The following CDH13 variants were observed in gnomAD, a reference collection of about 807,000 sequenced individuals.
CDH13 encodes cadherin-13.
Under a neutral mutation model 63.8 loss-of-function variants are expected in CDH13, and 24 were observed. The observed-to-expected ratio is 0.38, with a 90% CI of 0.27 to 0.53. The LOEUF (loss-of-function observed/expected upper bound fraction) is 0.53, where lower values mean the gene tolerates loss of function less well. Ranked by LOEUF, CDH13 falls within the 20% of genes least tolerant of loss-of-function variation. The pLI, the probability that CDH13 is intolerant of heterozygous loss-of-function variation, is 0.85. For synonymous variants in CDH13, 503 were observed against 355.3 expected (o/e 1.42, Z -4.67); for missense variants, 1,049 against 903.1 (o/e 1.16, Z -2.07).
intron 6 of CDH13, among the ~76,000 whole-genome samples, chr16:83,365,033 A>G (rs1258709409): frequency 1.3e-5 from 2 of 152,222 alleles, no homozygotes; most frequent in Non-Finnish European, 2.9e-5. Flanking sequence ...TACCTATGTA[A>G]TAAACCTACA....
chr16:83,680,615 G>T (rs1269023786), intron 10 of CDH13, among the ~76,000 whole-genome samples: 1 of 152,186 alleles, frequency 6.6e-6, no homozygotes, highest in Non-Finnish European at 1.5e-5. Flanking sequence ...CGCTGTGTGA[G>T]AGAAGAAGGA....
At position 83,039,673 on chromosome 16, in the gene CDH13, C is replaced by T. The variant is rs145015301; in HGVS notation, c.366+7455C>T. On this transcript the variant is annotated intron_variant, in intron 3 of 13. Transcript: ENST00000567109. ...TCAGCACCCTGCCCAGTGCCTGGCG[C>T]AGAGTATTCAGTGGATGCCTTTTGA... is the stretch of plus-strand genomic sequence containing the variant. 1.6e-4 allele frequency among the ~76,000 whole-genome samples: 25 copies of T among 152,264 alleles called. 1 individual carries two copies. The highest frequency in any genetic ancestry group is 5.1e-4 in the African/African-American group (21 of 41,540).
intron 2 of CDH13, among the ~76,000 whole-genome samples, chr16:82,940,295 G>A (rs891887710): frequency 2.0e-5 from 3 of 152,124 alleles, no homozygotes; most frequent in Admixed American, 6.5e-5. Context: ...TTCCCTTGCA[G>A]AATCTCAGTT....
At chr16:83,599,566 T>A (rs1907587014) in intron 7 of CDH13, among the ~76,000 whole-genome samples, 1 of 152,186 alleles carries the variant, frequency 6.6e-6, no homozygotes, top group Non-Finnish European at 1.5e-5. Context: ...AATAAAGATG[T>A]TAATTGCACT....
At chr16:82,859,837 A>G (rs1433594977) in intron 2 of CDH13, 1 of 152,192 alleles carries the variant, frequency 6.6e-6, no homozygotes, top group Non-Finnish European at 1.5e-5. Context: ...GTTGAGCATC[A>G]AGGGAGCTGT....
At chr16:82,885,498 T>C (rs1026735265) in intron 2 of CDH13, among the ~76,000 whole-genome samples, 23 of 126,704 alleles carry the variant, frequency 1.8e-4, no homozygotes, top group Admixed American at 1.3e-3. Flanking sequence ...CATCCATCCA[T>C]CCACCCATCC....
intron 5 of CDH13, among the ~76,000 whole-genome samples, chr16:83,309,257 G>A (rs1334872276): frequency 6.6e-6 from 1 of 152,194 alleles, no homozygotes; most frequent in African/African-American, 2.4e-5. Context: ...AATTGAATTT[G>A]GGAGTACTGG....
chr16:83,317,375 C>G (rs1242188078), intron 5 of CDH13, among the ~76,000 whole-genome samples: 58 of 152,148 alleles, frequency 3.8e-4, no homozygotes, highest in Non-Finnish European at 1.5e-5. Flanking sequence ...CAGCAAGCTC[C>G]AAGGTCAAAG....
chr16:82,715,932 CT>C (rs1567459479), intron 1 of CDH13, among the ~76,000 whole-genome samples: 1 of 152,192 alleles, frequency 6.6e-6, no homozygotes, highest in East Asian at 1.9e-4. Context: ...TACCAGATGC[CT>C]TTTATGAGCT....
At chr16:83,664,580 A>T (rs143286914) in intron 8 of CDH13, among the ~76,000 whole-genome samples, 1 of 151,286 alleles carries the variant, frequency 6.6e-6, no homozygotes, top group African/African-American at 2.4e-5. Context: ...AGTGCACACA[A>T]ACATGATGTG....
At chr16:82,639,610 G>T in intron 1 of CDH13, 1 of 619,660 alleles carries the variant, frequency 1.6e-6, no homozygotes, top group Middle Eastern at 2.6e-4. Flanking sequence ...GAAATATACA[G>T]TCTGTAGCTA....
intron 6 of CDH13, among the ~76,000 whole-genome samples, chr16:83,363,180 C>G (rs78827402): frequency 5.9e-5 from 9 of 152,308 alleles, no homozygotes; most frequent in African/African-American, 1.9e-4. Flanking sequence ...GCAATCAGCA[C>G]AGCTTAAACA....
chr16:83,369,930 G>A (rs975332025), intron 6 of CDH13, among the ~76,000 whole-genome samples: 4 of 152,158 alleles, frequency 2.6e-5, no homozygotes, highest in African/African-American at 9.7e-5. Context: ...GCTTCATGTT[G>A]ACCTTGTCCC....
intron 2 of CDH13, among the ~76,000 whole-genome samples, chr16:82,882,438 C>G (rs1016952374): frequency 6.6e-6 from 1 of 152,196 alleles, no homozygotes; most frequent in Non-Finnish European, 1.5e-5. Context: ...GCATTGCAAA[C>G]CCGTACACAT....
chr16:83,265,681 T>C (rs1597620952), intron 5 of CDH13, among the ~76,000 whole-genome samples: 1 of 151,522 alleles, frequency 6.6e-6, no homozygotes, highest in East Asian at 1.9e-4. Flanking sequence ...TTACAGGTGT[T>C]TGGGTTTTAA....
At position 83,110,770 on chromosome 16, in the gene CDH13, CAAAA is replaced by C. The variant is rs1018964770; in HGVS notation, c.367-14610_367-14607del. Among the ~76,000 whole-genome samples, 6 of 150,978 alleles carry C rather than the reference CAAAA, an allele frequency of 4.0e-5. No homozygotes were observed. The South Asian group carries it at 1.3e-3, about 32-fold the overall frequency. On this transcript the variant is annotated intron_variant, in intron 3 of 13. Transcript: ENST00000567109. Reference sequence around the variant, plus strand: ...GGGCTTCTTTCTGAAATTTTTGAAACAAAAAAAACCAAGGTGTGACAGTTACAAG... The same window carrying C: ...GGGCTTCTTTCTGAAATTTTTGAAACAAAACCAAGGTGTGACAGTTACAAG...
At chr16:82,811,689 G>A (rs2037453173) in intron 1 of CDH13, among the ~76,000 whole-genome samples, 1 of 152,124 alleles carries the variant, frequency 6.6e-6, no homozygotes, top group Non-Finnish European at 1.5e-5. Context: ...CAAATGAGTT[G>A]CCATGGTGTC....
intron 11 of CDH13, among the ~76,000 whole-genome samples, chr16:83,757,894 G>A (rs968598111): frequency 1.1e-4 from 16 of 152,046 alleles, no homozygotes; most frequent in South Asian, 1.0e-3. Flanking sequence ...TTTGGAGGCC[G>A]AGGCAGGAAG....
chr16:82,736,713 GC>G (rs2033692552), intron 1 of CDH13, among the ~76,000 whole-genome samples: 1 of 152,036 alleles, frequency 6.6e-6, no homozygotes, highest in Non-Finnish European at 1.5e-5. Context: ...GAAAAATCAG[GC>G]TACACAGTCA....
Sources: gnomAD v4.1 joint callset for allele counts (sites outside exome capture counted in the v4.1 genomes callset) on GRCh38, gnomAD v4.1.1 for gene constraint, MANE v1.5 for transcripts, NCBI Gene and HGNC (gene_info 2026-07-23, HGNC 2026-07-21) for gene names.